The following ERC2 variants were observed in gnomAD, a reference collection of about 807,000 sequenced individuals.
ERC2 encodes ERC protein 2.
A neutral mutation model predicts 114.8 loss-of-function variants in ERC2; 42 were observed. That is an observed-to-expected ratio of 0.37 (90% CI 0.29 to 0.47). The LOEUF (loss-of-function observed/expected upper bound fraction) is 0.47, where lower values mean the gene tolerates loss of function less well. Among genes scored for constraint, ERC2 ranks in the 20% least tolerant of loss-of-function variants. The pLI is 0.99. For synonymous variants in ERC2, 454 were observed against 425.5 expected (o/e 1.07, Z -0.82); for missense variants, 939 against 1,150.7 (o/e 0.82, Z 2.66).
chr3:56,456,957 GAAGTA>G (rs142031617), intron 1 of ERC2, among the ~76,000 whole-genome samples: 52,391 of 151,666 alleles, frequency 0.35, 9,268 homozygotes, highest in Admixed American at 0.48. Context: ...AAATCATATC[GAAGTA>G]AAGTAAGAGG....
At chr3:56,294,351 C>G (rs960773299) in intron 3 of ERC2, among the ~76,000 whole-genome samples, 1 of 152,242 alleles carries the variant, frequency 6.6e-6, no homozygotes, top group Non-Finnish European at 1.5e-5. Flanking sequence ...TTCACAGTCT[C>G]TCACAGCCTG....
At chr3:55,877,395 G>A (rs188160399) in intron 14 of ERC2, among the ~76,000 whole-genome samples, 31 of 152,184 alleles carry the variant, frequency 2.0e-4, no homozygotes, top group Non-Finnish European at 3.8e-4. Context: ...GGCGTGCCTG[G>A]GCTTAACCAA....
chr3:55,623,496 T>G (rs1047683571), intron 17 of ERC2, among the ~76,000 whole-genome samples: 2 of 152,330 alleles, frequency 1.3e-5, no homozygotes, highest in South Asian at 2.1e-4. Context: ...CTCTTCGCCC[T>G]CTTGCTTCTA....
intron 17 of ERC2, among the ~76,000 whole-genome samples, chr3:55,563,400 G>A (rs2056166307): frequency 6.6e-6 from 1 of 151,088 alleles, no homozygotes; most frequent in African/African-American, 2.4e-5. Flanking sequence ...TTGGTACCTG[G>A]ACACTCTTCA....
intron 13 of ERC2, among the ~76,000 whole-genome samples, chr3:55,947,212 C>A (rs1208173446): frequency 6.6e-6 from 1 of 152,230 alleles, no homozygotes; most frequent in Non-Finnish European, 1.5e-5. Flanking sequence ...GTGGCCACTA[C>A]TCCCATAGAT....
intron 1 of ERC2, among the ~76,000 whole-genome samples, chr3:56,457,265 C>G (rs116189802): frequency 3.9e-5 from 6 of 152,298 alleles, no homozygotes; most frequent in Non-Finnish European, 8.8e-5. Flanking sequence ...TCAAAACCAA[C>G]AAGTGATGTG....
At chr3:55,524,067 C>G (rs963947212) in intron 17 of ERC2, among the ~76,000 whole-genome samples, 4 of 152,196 alleles carry the variant, frequency 2.6e-5, no homozygotes, top group African/African-American at 9.6e-5. Flanking sequence ...ACTCTAACCT[C>G]TCCAGGTGGT....
intron 4 of ERC2, among the ~76,000 whole-genome samples, chr3:56,155,032 G>C (rs1237895879): frequency 6.6e-6 from 1 of 152,138 alleles, no homozygotes; most frequent in Admixed American, 6.5e-5. Flanking sequence ...TGGCTACATG[G>C]AAGTTTCCAG....
At chr3:55,723,420 A>C (rs2064707047) in intron 15 of ERC2, among the ~76,000 whole-genome samples, 1 of 152,218 alleles carries the variant, frequency 6.6e-6, no homozygotes, top group African/African-American at 2.4e-5. Context: ...GCTCATTTAC[A>C]TAGAAAGAAT....
chr3:56,100,878 G>C (rs546812404), intron 6 of ERC2, among the ~76,000 whole-genome samples: 1 of 152,206 alleles, frequency 6.6e-6, no homozygotes, highest in South Asian at 2.1e-4. Flanking sequence ...TGCTATAAGA[G>C]TTATTCAGAA....
At chr3:56,118,108 C>G (rs997861850) in intron 6 of ERC2, among the ~76,000 whole-genome samples, 1 of 152,200 alleles carries the variant, frequency 6.6e-6, no homozygotes, top group Non-Finnish European at 1.5e-5. Context: ...GCTGGAGTTA[C>G]AATCCTGGTC....
intron 3 of ERC2, among the ~76,000 whole-genome samples, chr3:56,267,069 T>A (rs1242974980): frequency 6.6e-6 from 1 of 151,814 alleles, no homozygotes; most frequent in Admixed American, 6.6e-5. Context: ...GATTTCTGAT[T>A]TTTTTTTCAG....
At chr3:56,039,682 T>A (rs1250961115) in intron 7 of ERC2, among the ~76,000 whole-genome samples, 1 of 152,066 alleles carries the variant, frequency 6.6e-6, no homozygotes, top group African/African-American at 2.4e-5. Context: ...AGACCCTGAA[T>A]AGCTAAAGCA....
At chr3:56,070,287 G>A (rs1337685437) in intron 7 of ERC2, among the ~76,000 whole-genome samples, 1 of 152,154 alleles carries the variant, frequency 6.6e-6, no homozygotes, top group African/African-American at 2.4e-5. Context: ...ACTGAAATAT[G>A]TAAAGGCTCA....
At chr3:55,809,746 G>A (rs879536819) in intron 14 of ERC2, among the ~76,000 whole-genome samples, 4 of 151,492 alleles carry the variant, frequency 2.6e-5, no homozygotes, top group Admixed American at 1.3e-4. Context: ...GTTGGCATCC[G>A]TGCCTCAAAT....
At chr3:55,543,222 G>A (rs546892504) in intron 17 of ERC2, among the ~76,000 whole-genome samples, 25 of 152,360 alleles carry the variant, frequency 1.6e-4, no homozygotes, top group African/African-American at 5.8e-4. Flanking sequence ...GATGGGGGCA[G>A]CAGCAAAAGG....
intron 13 of ERC2, among the ~76,000 whole-genome samples, chr3:55,949,736 T>A (rs996056848): frequency 6.6e-6 from 1 of 152,212 alleles, no homozygotes; most frequent in Non-Finnish European, 1.5e-5. Flanking sequence ...TCCGGCCAAC[T>A]TGAACTGCTC....
At chr3:56,370,709 C>G (rs1288489939) in intron 2 of ERC2, among the ~76,000 whole-genome samples, 1 of 151,570 alleles carries the variant, frequency 6.6e-6, no homozygotes, top group Non-Finnish European at 1.5e-5. Context: ...ATTCTCCTGC[C>G]TTAGCCTCCT....
chr3:56,081,658 T>C (rs1219969639), intron 6 of ERC2, among the ~76,000 whole-genome samples: 1 of 152,228 alleles, frequency 6.6e-6, no homozygotes, highest in Non-Finnish European at 1.5e-5. Flanking sequence ...CTTTCAAATG[T>C]TGTTAATAAA....
Sources: gnomAD v4.1 joint callset for allele counts (sites outside exome capture counted in the v4.1 genomes callset) on GRCh38, gnomAD v4.1.1 for gene constraint, MANE v1.5 for transcripts, NCBI Gene and HGNC (gene_info 2026-07-23, HGNC 2026-07-21) for gene names.